The following AFF3 variants were observed in gnomAD, a reference collection of about 807,000 sequenced individuals.
AFF3 encodes the protein AF4/FMR2 family member 3.
Under a neutral mutation model 129.7 loss-of-function variants are expected in AFF3, and 32 were observed. That is an observed-to-expected ratio of 0.25 (90% CI 0.19 to 0.33). The LOEUF is 0.33. AFF3 is among the 10% of genes least tolerant of loss of function. AFF3 has a pLI of 1.00. For synonymous variants in AFF3, 644 were observed against 635.4 expected (o/e 1.01, Z -0.20); for missense variants, 1,373 against 1,592.0 (o/e 0.86, Z 2.34).
chr2:99,778,391 A>G (rs945291588), intron 8 of AFF3, among the ~76,000 whole-genome samples: 9 of 152,232 alleles, frequency 5.9e-5, no homozygotes, highest in African/African-American at 2.2e-4. Flanking sequence ...TCAGACAGGC[A>G]GAAACAGAGG....
chr2:99,595,459 T>TA (rs1452978796), intron 14 of AFF3, among the ~76,000 whole-genome samples: 1 of 152,152 alleles, frequency 6.6e-6, no homozygotes, highest in Non-Finnish European at 1.5e-5. Flanking sequence ...AGACACTGCT[T>TA]AGCTCCATAC....
At chr2:99,580,462 C>T (rs754467170) in intron 17 of AFF3, among the ~76,000 whole-genome samples, 6 of 152,100 alleles carry the variant, frequency 3.9e-5, no homozygotes, top group Non-Finnish European at 8.8e-5. Flanking sequence ...TGACAATGCC[C>T]GGAGACATTT....
At chr2:99,993,919 C>T (rs1029994673) in intron 7 of AFF3, among the ~76,000 whole-genome samples, 2 of 148,302 alleles carry the variant, frequency 1.3e-5, no homozygotes, top group African/African-American at 5.0e-5. Context: ...AATTCTCCTG[C>T]CTCAGCCTCC....
chr2:99,591,824 T>C (rs1399509789), intron 15 of AFF3, among the ~76,000 whole-genome samples: 1 of 152,236 alleles, frequency 6.6e-6, no homozygotes, highest in Admixed American at 6.5e-5. Flanking sequence ...CCTTAGGACC[T>C]ATGTAACCTT....
At chr2:100,103,726 C>CGGGTG (rs1559126730) in intron 4 of AFF3, among the ~76,000 whole-genome samples, 2 of 151,850 alleles carry the variant, frequency 1.3e-5, no homozygotes, top group East Asian at 1.9e-4. Flanking sequence ...CCGGGGCGCC[C>CGGGTG]GGGTGGGGTG....
chr2:99,603,403 G>A (rs1208189556), intron 13 of AFF3, among the ~76,000 whole-genome samples: 1 of 152,142 alleles, frequency 6.6e-6, no homozygotes, highest in Non-Finnish European at 1.5e-5. Flanking sequence ...TTTAATAAAC[G>A]GTGCTGGGAG....
chr2:99,815,543 A>C (rs1040089253), intron 8 of AFF3, among the ~76,000 whole-genome samples: 9 of 115,190 alleles, frequency 7.8e-5, no homozygotes, highest in African/African-American at 3.0e-4. Context: ...TGTAGATCTG[A>C]CTTTCTGACT....
chr2:99,572,271 T>C (rs1331054323), intron 18 of AFF3, among the ~76,000 whole-genome samples: 3 of 138,754 alleles, frequency 2.2e-5, no homozygotes, highest in Admixed American at 7.3e-5. Flanking sequence ...ATGTTTTCTT[T>C]TCTTCTCTTC....
chr2:99,775,159 T>C (rs969841645), intron 8 of AFF3, among the ~76,000 whole-genome samples: 1 of 152,174 alleles, frequency 6.6e-6, no homozygotes, highest in Non-Finnish European at 1.5e-5. Flanking sequence ...AATTCAACCA[T>C]CGTGGAAGAC....
intron 13 of AFF3, among the ~76,000 whole-genome samples, chr2:99,603,340 G>A (rs563566722): frequency 6.6e-6 from 1 of 152,286 alleles, no homozygotes; most frequent in Non-Finnish European, 1.5e-5. Context: ...TGGGATCCAT[G>A]TTAATAGTCT....
At chr2:99,844,781 T>A (rs1338432438) in intron 7 of AFF3, among the ~76,000 whole-genome samples, 1 of 152,098 alleles carries the variant, frequency 6.6e-6, no homozygotes, top group Admixed American at 6.5e-5. Flanking sequence ...TACACTGCAC[T>A]GAAAAGAAGA....
chr2:99,623,240 G>T (rs187693598), intron 13 of AFF3, among the ~76,000 whole-genome samples: 1 of 151,274 alleles, frequency 6.6e-6, no homozygotes, highest in East Asian at 2.0e-4. Flanking sequence ...CTGGAGCCAG[G>T]ACCTGCCACA....
chr2:99,706,170 G>A (rs1335385958), intron 11 of AFF3, among the ~76,000 whole-genome samples: 2 of 152,072 alleles, frequency 1.3e-5, no homozygotes, highest in Non-Finnish European at 2.9e-5. Flanking sequence ...CATAAGGCAG[G>A]TATTGGTAGA....
intron 11 of AFF3, among the ~76,000 whole-genome samples, chr2:99,686,801 G>A (rs956398652): frequency 2.0e-5 from 3 of 152,188 alleles, no homozygotes; most frequent in Non-Finnish European, 2.9e-5. Flanking sequence ...CCTGATGGAA[G>A]CAGAGATGAG....
At chr2:99,743,306 AGATGCCCAGTGGTT>A (rs1382260539) in intron 10 of AFF3, among the ~76,000 whole-genome samples, 1 of 152,202 alleles carries the variant, frequency 6.6e-6, no homozygotes, top group Non-Finnish European at 1.5e-5. Flanking sequence ...TTTGCCTCAC[AGATGCCCAGTGGTT>A]GAGCCTCAGT....
At chr2:100,075,145 A>G (rs1688489123) in intron 4 of AFF3, among the ~76,000 whole-genome samples, 1 of 152,156 alleles carries the variant, frequency 6.6e-6, no homozygotes, top group Non-Finnish European at 1.5e-5. Flanking sequence ...GGGCGATGGG[A>G]TAAGTTTGCA....
At chr2:100,018,036 A>G (rs201835874) in intron 4 of AFF3, among the ~76,000 whole-genome samples, 12 of 150,658 alleles carry the variant, frequency 8.0e-5, no homozygotes, top group African/African-American at 3.0e-4. Flanking sequence ...GTGTGTGTAT[A>G]TATATATATA....
intron 8 of AFF3, among the ~76,000 whole-genome samples, chr2:99,752,580 A>G (rs1353857674): frequency 6.6e-6 from 1 of 152,212 alleles, no homozygotes; most frequent in African/African-American, 2.4e-5. Context: ...GGTCCTGAGT[A>G]AAGGGACAAT....
chr2:99,550,476 T>C lies in AFF3; in HGVS notation c.*998A>G, dbSNP rs1674331025. ...GCTCCTACTGAAGGGACAATCTAGG[T>C]AATGGCCTCATTTAGCCAAGAAAAT... On this transcript the variant is annotated 3_prime_UTR_variant, in exon 25 of 25. Coordinates refer to ENST00000672756, the MANE Select transcript of AFF3 (RefSeq NM_001386135.1). 4.3e-6 allele frequency: 1 copy of C among 231,050 alleles called. No individual in the cohort carries two copies. Among genetic ancestry groups the C allele is most frequent in the African/African-American group, 2.2e-5 (1 of 45,246 alleles). The allele number at this position is 231,050 out of a possible 1,614,324, so 14.3% of individuals were successfully genotyped here.
Sources: gnomAD v4.1 joint callset for allele counts (sites outside exome capture counted in the v4.1 genomes callset) on GRCh38, gnomAD v4.1.1 for gene constraint, MANE v1.5 for transcripts, NCBI Gene and HGNC (gene_info 2026-07-23, HGNC 2026-07-21) for gene names.